MAP2K1: variants seen among roughly 807,000 people sequenced by gnomAD.
MAP2K1 encodes dual specificity mitogen-activated protein kinase kinase 1.
Under a neutral mutation model 46.3 loss-of-function variants are expected in MAP2K1, and 16 were observed. The observed-to-expected ratio is 0.35, with a 90% confidence interval of 0.23 to 0.52. The LOEUF (loss-of-function observed/expected upper bound fraction) is 0.52. MAP2K1 is among the 20% of genes least tolerant of loss of function. The probability of loss-of-function intolerance (pLI) is 0.94; values close to 1 mark genes in which losing one functional copy is unlikely to be tolerated. For synonymous variants in MAP2K1, 183 were observed against 185.6 expected (o/e 0.99, Z 0.11); for missense variants, 263 against 497.1 (o/e 0.53, Z 4.48).
chr15:66,478,350 AATAT>A (rs1338262370), intron 5 of MAP2K1, among the ~76,000 whole-genome samples: 1 of 142,188 alleles, frequency 7.0e-6, no homozygotes, highest in South Asian at 2.1e-4. Flanking sequence ...ATATATGTTA[AATAT>A]ATATACACAC....
At chr15:66,475,756 C>G (rs550274064) in intron 5 of MAP2K1, among the ~76,000 whole-genome samples, 2 of 152,276 alleles carry the variant, frequency 1.3e-5, no homozygotes, top group African/African-American at 4.8e-5. Context: ...GTCCACGGGG[C>G]CTTGACCACA....
At chr15:66,482,089 G>C (rs1892927699) in intron 6 of MAP2K1, among the ~76,000 whole-genome samples, 1 of 152,102 alleles carries the variant, frequency 6.6e-6, no homozygotes, top group African/African-American at 2.4e-5. Flanking sequence ...GGATATTGGG[G>C]CCTTGACTCA....
At chr15:66,462,496 C>CAAAAAAA (rs551065737) in intron 5 of MAP2K1, among the ~76,000 whole-genome samples, 1 of 72,898 alleles carries the variant, frequency 1.4e-5, no homozygotes, top group Non-Finnish European at 2.9e-5. Flanking sequence ...GACTCTGTCT[C>CAAAAAAA]AAAAAAAAAA....
chr15:66,409,939 C>G (rs1043124262), intron 1 of MAP2K1, among the ~76,000 whole-genome samples: 4 of 152,210 alleles, frequency 2.6e-5, no homozygotes, highest in Admixed American at 1.3e-4. Context: ...GTTTCCCCAT[C>G]AGCACCTTTA....
chr15:66,415,958 A>G (rs1420553311), intron 1 of MAP2K1, among the ~76,000 whole-genome samples: 1 of 152,100 alleles, frequency 6.6e-6, no homozygotes, highest in Non-Finnish European at 1.5e-5. Flanking sequence ...AGGCCTGGTA[A>G]TATTACAGAA....
intron 1 of MAP2K1, among the ~76,000 whole-genome samples, chr15:66,389,894 T>A (rs1418302913): frequency 6.6e-6 from 1 of 152,144 alleles, no homozygotes; most frequent in African/African-American, 2.4e-5. Context: ...AGTCTTTTAG[T>A]CTAAGGCTTA....
rs534445667 is a variant in MAP2K1, at chr15:66,434,996, G to A, written c.81-31G>A. ...CTTTGGGTTGACTTCTCTGGTGACA[G>A]TATTGACTTGTGCTCCCCACTTTGG... On this transcript the variant is annotated intron_variant, in intron 1 of 10. Transcript: ENST00000307102. 115 of 1,388,602 alleles carry A rather than the reference G, an allele frequency of 8.3e-5. No homozygotes were observed. In the South Asian group the frequency reaches 1.3e-3, roughly 15 times the overall value. The allele number at this position is 1,388,602 out of a possible 1,614,324, so 86.0% of individuals were successfully genotyped here.
At chr15:66,389,807 C>T (rs1045635018) in intron 1 of MAP2K1, among the ~76,000 whole-genome samples, 1 of 151,862 alleles carries the variant, frequency 6.6e-6, no homozygotes, top group Admixed American at 6.6e-5. Flanking sequence ...CTCCTGACCT[C>T]GTGATCCTCC....
chr15:66,432,507 A>G (rs2093477317), intron 1 of MAP2K1, among the ~76,000 whole-genome samples: 1 of 152,240 alleles, frequency 6.6e-6, no homozygotes, highest in Non-Finnish European at 1.5e-5. Flanking sequence ...GCTGCAAGGC[A>G]GTGTTAATCT....
chr15:66,485,959 C>T (rs1001312887), intron 7 of MAP2K1, among the ~76,000 whole-genome samples: 2 of 152,040 alleles, frequency 1.3e-5, no homozygotes, highest in African/African-American at 2.4e-5. Flanking sequence ...AGTACAGTGG[C>T]GCCATCATGG....
At chr15:66,429,719 G>A (rs1200375599) in intron 1 of MAP2K1, among the ~76,000 whole-genome samples, 1 of 138,612 alleles carries the variant, frequency 7.2e-6, no homozygotes, top group Admixed American at 8.0e-5. Context: ...GGTGGAATCT[G>A]GAAGTTGGTA....
intron 1 of MAP2K1, among the ~76,000 whole-genome samples, chr15:66,418,337 G>A (rs1314363123): frequency 6.6e-6 from 1 of 152,134 alleles, no homozygotes; most frequent in African/African-American, 2.4e-5. Flanking sequence ...TTAACTGATT[G>A]GGTCACATTG....
rs1369413161 is a variant in MAP2K1, at chr15:66,395,625, A to T, written c.80+8198A>T. Among the ~76,000 whole-genome samples, 7 of 138,776 alleles carry T rather than the reference A, an allele frequency of 5.0e-5. No homozygotes were observed. In the East Asian group the frequency reaches 1.5e-3, roughly 30 times the overall value. The allele number at this position is 138,776 out of a possible 152,430, so 91.0% of individuals were successfully genotyped here. On this transcript the variant is annotated intron_variant, in intron 1 of 10. Coordinates refer to ENST00000307102, the MANE Select transcript of MAP2K1 (RefSeq NM_002755.4). ...AGTCTCACTCTGTCACCCAGGCTAG[A>T]GTGTGCAGTCACATGATCTTGGCTC...
At position 66,387,031 on chromosome 15, in the gene MAP2K1, A is replaced by C; in HGVS notation, c.-317A>C. On this transcript the variant is annotated 5_prime_UTR_variant, in exon 1 of 11. Coordinates refer to ENST00000307102, the MANE Select transcript of MAP2K1 (RefSeq NM_002755.4). Reference sequence around the variant, plus strand: ...CGGCTGTGCCGCCCGAGCCGGAGGGACTGGTTGGTTGAGAGAGAGAGAGGA... The same window carrying C: ...CGGCTGTGCCGCCCGAGCCGGAGGGCCTGGTTGGTTGAGAGAGAGAGAGGA... 6.3e-6 allele frequency: 2 copies of C among 317,708 alleles called. No individual in the cohort carries two copies. The highest frequency in any genetic ancestry group is 5.7e-6 in the Non-Finnish European group (1 of 175,272). 19.7% of individuals were successfully genotyped at this position (317,708 alleles called of 1,614,324 possible). A position where few individuals can be genotyped will look rare whatever the true frequency, so the allele number is the denominator to read the frequency against.
intron 5 of MAP2K1, among the ~76,000 whole-genome samples, chr15:66,464,940 T>TA (rs1381402060): frequency 6.6e-6 from 1 of 151,490 alleles, no homozygotes; most frequent in African/African-American, 2.4e-5. Flanking sequence ...AGGTGTACTA[T>TA]AGCCAGGCAC....
intron 5 of MAP2K1, among the ~76,000 whole-genome samples, chr15:66,459,674 A>C (rs1432564321): frequency 6.6e-6 from 1 of 151,984 alleles, no homozygotes; most frequent in African/African-American, 2.4e-5. Context: ...GGGAGTCTCC[A>C]AAGTGTCTCA....
rs1948531191 is a variant in MAP2K1, at chr15:66,491,486, A to C, written c.*871A>C. On this transcript the variant is annotated 3_prime_UTR_variant, in exon 11 of 11. Transcript: ENST00000307102. Reference sequence around the variant, plus strand: ...ACCATTTTAACCTAGATGTTTAACAAATCTAATCTCTTATTCTAATAAATA... The same window carrying C: ...ACCATTTTAACCTAGATGTTTAACACATCTAATCTCTTATTCTAATAAATA... 4.8e-6 allele frequency: 1 copy of C among 210,368 alleles called. No individual in the cohort carries two copies. The highest frequency in any genetic ancestry group is 2.3e-5 in the African/African-American group (1 of 44,082). The allele number at this position is 210,368 out of a possible 1,614,324, so 13.0% of individuals were successfully genotyped here. A position where few individuals can be genotyped will look rare whatever the true frequency, so the allele number is the denominator to read the frequency against.
At chr15:66,408,287 A>G (rs1387238688) in intron 1 of MAP2K1, among the ~76,000 whole-genome samples, 1 of 152,250 alleles carries the variant, frequency 6.6e-6, no homozygotes, top group Admixed American at 6.5e-5. Context: ...TCTTTATCCA[A>G]CAGACTTAGA....
At chr15:66,445,167 GA>G (rs1349092187) in intron 5 of MAP2K1, among the ~76,000 whole-genome samples, 1 of 151,744 alleles carries the variant, frequency 6.6e-6, no homozygotes, top group Non-Finnish European at 1.5e-5. Context: ...TGGGGGGGTG[GA>G]TCATGAGGTC....
Sources: allele counts gnomAD v4.1 joint callset (sites outside exome capture counted in the v4.1 genomes callset), GRCh38; gene constraint gnomAD v4.1.1; transcripts MANE v1.5; gene names NCBI Gene and HGNC (gene_info 2026-07-23, HGNC 2026-07-21).